Variants in GAB2 observed in about 807,000 individuals in gnomAD.
The protein encoded by GAB2 is GRB2 associated binding protein 2.
In GAB2, 26 loss-of-function variants were observed where a neutral mutation model predicts 65.5. The observed-to-expected ratio is 0.40, with a 90% confidence interval of 0.29 to 0.55. The LOEUF (loss-of-function observed/expected upper bound fraction) is 0.55. Ranked by LOEUF, GAB2 falls within the 20% of genes least tolerant of loss-of-function variation. GAB2 has a pLI of 0.53. For missense variants in GAB2, 884 were observed against 875.8 expected, an observed-to-expected ratio of 1.01 and a Z score of -0.12; for synonymous variants, 321 against 329.6, an observed-to-expected ratio of 0.97 and a Z score of 0.28.
intron 3 of GAB2, among the ~76,000 whole-genome samples, chr11:78,232,096 T>G (rs1864865788): frequency 6.6e-6 from 1 of 152,252 alleles, no homozygotes; most frequent in South Asian, 2.1e-4. Context: ...AAGCTGTATA[T>G]GTGAAACTAA....
intron 1 of GAB2, among the ~76,000 whole-genome samples, chr11:78,342,262 A>G (rs1003226927): frequency 2.0e-5 from 3 of 152,124 alleles, no homozygotes; most frequent in East Asian, 3.9e-4. Context: ...CTCACATCGC[A>G]TTATTCCCAG....
intron 3 of GAB2, among the ~76,000 whole-genome samples, chr11:78,245,910 A>G (rs149762132): frequency 1.4e-5 from 2 of 148,032 alleles, no homozygotes; most frequent in African/African-American, 5.0e-5. Context: ...CCGAATATAA[A>G]CTCCTTGGTT....
chr11:78,351,245 C>G (rs1043771662), intron 1 of GAB2, among the ~76,000 whole-genome samples: 1 of 151,964 alleles, frequency 6.6e-6, no homozygotes, highest in Non-Finnish European at 1.5e-5. Context: ...GCATCATTTA[C>G]CCAGTGGCCT....
At chr11:78,377,824 T>C (rs950852546) in intron 1 of GAB2, among the ~76,000 whole-genome samples, 3 of 152,180 alleles carry the variant, frequency 2.0e-5, no homozygotes, top group Non-Finnish European at 4.4e-5. Context: ...TACTTTCTTA[T>C]TTTCCCTCCA....
chr11:78,385,804 A>C lies in GAB2; in HGVS notation c.75+31842T>G, dbSNP rs528578792. 8.0e-4 allele frequency among the ~76,000 whole-genome samples: 122 copies of C among 152,238 alleles called. 1 individual carries two copies. Among genetic ancestry groups the C allele is most frequent in the Non-Finnish European group, 1.4e-3 (92 of 68,044 alleles). Reference sequence around the variant, plus strand: ...AAGAATACAAAATTATGAGGCACCCAATGATAGGAATCTGTCATCAACAGA... The same window carrying C: ...AAGAATACAAAATTATGAGGCACCCCATGATAGGAATCTGTCATCAACAGA... On this transcript the variant is annotated intron_variant, in intron 1 of 9. Transcript: ENST00000361507.
At chr11:78,385,921 A>G (rs1162156865) in intron 1 of GAB2, among the ~76,000 whole-genome samples, 5 of 152,212 alleles carry the variant, frequency 3.3e-5, no homozygotes, top group African/African-American at 7.2e-5. Context: ...CAAGACTGAT[A>G]CATAATTAGT....
intron 2 of GAB2, among the ~76,000 whole-genome samples, chr11:78,254,799 AAAAAAAGAAAAAAG>A (rs376330759): frequency 1.0e-3 from 152 of 151,842 alleles, no homozygotes; most frequent in African/African-American, 3.1e-3. Flanking sequence ...CCTTGTCTCT[AAAAAAAGAAAAAAG>A]AAAAAAGAAA....
intron 1 of GAB2, among the ~76,000 whole-genome samples, chr11:78,378,075 T>C (rs1178847290): frequency 6.6e-6 from 1 of 152,114 alleles, no homozygotes; most frequent in African/African-American, 2.4e-5. Flanking sequence ...TCCCTGGCCA[T>C]AATGGCTCAG....
At position 78,215,816 on chromosome 11, in the gene GAB2, C is replaced by T. The variant is rs1313575681; in HGVS notation, c.*3456G>A. 6.6e-6 allele frequency: 1 copy of T among 152,664 alleles called. No individual in the cohort carries two copies. Among genetic ancestry groups the T allele is most frequent in the African/African-American group, 2.4e-5 (1 of 41,440 alleles). 9.5% of individuals were successfully genotyped at this position (152,664 alleles called of 1,614,324 possible). Reference sequence around the variant, plus strand: ...CGCTCCTGAGACCAGTCTGGCTTCCCCTGCATTTTATGAAGGCCCAGATGG... The same window carrying T: ...CGCTCCTGAGACCAGTCTGGCTTCCTCTGCATTTTATGAAGGCCCAGATGG... On this transcript the variant is annotated 3_prime_UTR_variant, in exon 10 of 10. Coordinates refer to ENST00000361507, the MANE Select transcript of GAB2 (RefSeq NM_080491.3).
intron 1 of GAB2, among the ~76,000 whole-genome samples, chr11:78,348,327 T>C (rs1468419403): frequency 1.3e-5 from 2 of 152,236 alleles, no homozygotes; most frequent in Admixed American, 6.5e-5. Context: ...AGGAAATGTT[T>C]AATATATTTC....
chr11:78,286,262 T>G (rs189093163), intron 1 of GAB2, among the ~76,000 whole-genome samples: 198 of 152,290 alleles, frequency 1.3e-3, no homozygotes, highest in African/African-American at 4.6e-3. Context: ...TAGAAAGGCT[T>G]TCACCTTACC....
chr11:78,402,439 T>G (rs1230606062), intron 1 of GAB2, among the ~76,000 whole-genome samples: 1 of 152,136 alleles, frequency 6.6e-6, no homozygotes, highest in Middle Eastern at 3.2e-3. Context: ...AAAAATTTTT[T>G]TTTTTTTGAG....
chr11:78,398,922 G>C (rs926922177), intron 1 of GAB2, among the ~76,000 whole-genome samples: 10 of 152,134 alleles, frequency 6.6e-5, no homozygotes, highest in Non-Finnish European at 1.5e-4. Context: ...ACTCGAATAG[G>C]CTCCTGCTGG....
intron 1 of GAB2, among the ~76,000 whole-genome samples, chr11:78,384,220 G>C (rs1856736728): frequency 6.6e-6 from 1 of 152,294 alleles, no homozygotes; most frequent in South Asian, 2.1e-4. Context: ...GATAATGAGA[G>C]AGCTGAAGGC....
chr11:78,276,829 T>C (rs1405376000), intron 2 of GAB2, among the ~76,000 whole-genome samples: 1 of 152,016 alleles, frequency 6.6e-6, no homozygotes, highest in Non-Finnish European at 1.5e-5. Flanking sequence ...TTTATTTATT[T>C]ATTTTTGAGA....
In GAB2 at chr11:78,280,554, G is replaced by A. The variant is rs182438659; in HGVS notation, c.376+47C>T. ...CTCTCAATGCTCCAGGAATCCAAGG[G>A]CCTCACCTCAACCCCCTATGAGAAA... On this transcript the variant is annotated intron_variant, in intron 2 of 9. Coordinates refer to ENST00000361507, the MANE Select transcript of GAB2 (RefSeq NM_080491.3). 282 of 1,442,184 alleles carry A rather than the reference G, an allele frequency of 2.0e-4. 1 individual carries two copies. In the African/African-American group the frequency reaches 3.7e-3, roughly 19 times the overall value. The allele number at this position is 1,442,184 out of a possible 1,614,324, so 89.3% of individuals were successfully genotyped here. A position where few individuals can be genotyped will look rare whatever the true frequency, so the allele number is the denominator to read the frequency against.
intron 1 of GAB2, among the ~76,000 whole-genome samples, chr11:78,386,068 C>A (rs925697550): frequency 1.3e-5 from 2 of 152,202 alleles, no homozygotes; most frequent in African/African-American, 2.4e-5. Flanking sequence ...CTCTTAGACT[C>A]ATTCTTTATT....
At chr11:78,283,580 G>C (rs1373859106) in intron 1 of GAB2, among the ~76,000 whole-genome samples, 1 of 151,838 alleles carries the variant, frequency 6.6e-6, no homozygotes, top group Non-Finnish European at 1.5e-5. Flanking sequence ...CTATAATCAG[G>C]CTATCCCCCA....
chr11:78,327,286 T>A (rs1855839955), intron 1 of GAB2, among the ~76,000 whole-genome samples: 1 of 152,176 alleles, frequency 6.6e-6, no homozygotes. Flanking sequence ...TAATATGAAA[T>A]GGGGTCTGCT....
Sources: gnomAD v4.1 joint callset for allele counts (sites outside exome capture counted in the v4.1 genomes callset) on GRCh38, gnomAD v4.1.1 for gene constraint, MANE v1.5 for transcripts, NCBI Gene and HGNC (gene_info 2026-07-23, HGNC 2026-07-21) for gene names.